RAD54L2: variants seen among roughly 807,000 people sequenced by gnomAD.
RAD54L2 encodes helicase ARIP4.
In RAD54L2, 27 loss-of-function variants were observed where a neutral mutation model predicts 138.4. The ratio of observed to expected loss-of-function variants is 0.20; its 90% CI spans 0.14 to 0.27. The LOEUF (loss-of-function observed/expected upper bound fraction) is 0.27, where lower values mean the gene tolerates loss of function less well. Among genes scored for constraint, RAD54L2 ranks in the 10% least tolerant of loss-of-function variants. The pLI is 1.00. For synonymous variants in RAD54L2, 644 were observed against 723.2 expected, an observed-to-expected ratio of 0.89 and a Z score of 1.76; for missense variants, 1,396 against 1,890.2, an observed-to-expected ratio of 0.74 and a Z score of 4.85.
chr3:51,573,448 TA>T (rs1699387834), intron 2 of RAD54L2, among the ~76,000 whole-genome samples: 1 of 150,608 alleles, frequency 6.6e-6, no homozygotes, highest in Non-Finnish European at 1.5e-5. Context: ...CAAATCTATC[TA>T]TTTTTTTTTT....
intron 2 of RAD54L2, among the ~76,000 whole-genome samples, chr3:51,567,720 AT>A (rs1292714168): frequency 6.6e-6 from 1 of 152,022 alleles, no homozygotes; most frequent in African/African-American, 2.4e-5. Context: ...TAATTTTAAT[AT>A]TTTATTTACT....
Position 51,662,978 on chromosome 3 carries a change from G to T in RAD54L2, c.3962G>T (p.Gly1321Val). 1.2e-6 allele frequency: 2 copies of T among 1,613,966 alleles called. No individual in the cohort carries two copies. Among genetic ancestry groups the T allele is most frequent in the Admixed American group, 3.3e-5 (2 of 60,030 alleles). The change falls in exon 23 of 23, where the codon GGC becomes GTC. Residue 1321 changes from glycine to valine, a missense_variant. Around this residue, in one of 7 missense-constraint regions of RAD54L2, gnomAD observed 634 missense variants for 711.2 expected, o/e 0.89. Coordinates refer to ENST00000684192, the MANE Select transcript of RAD54L2 (RefSeq NM_015106.4). The surrounding 1 kb of genome is among the most constrained non-coding windows in gnomAD (Gnocchi z 4.6). Reference protein sequence around the residue: ...SQAGENSLFMGSTPSYYQLSN... With the variant: ...SQAGENSLFMVSTPSYYQLSN... ...GCTGGGGAGAACTCCCTGTTTATGG[G>T]CAGTACCCCCTCCTACTACCAGCTG... is the stretch of plus-strand genomic sequence containing the variant.
intron 2 of RAD54L2, among the ~76,000 whole-genome samples, chr3:51,570,397 C>T (rs1220033358): frequency 6.6e-6 from 1 of 151,586 alleles, no homozygotes; most frequent in African/African-American, 2.4e-5. Flanking sequence ...CTGCCTCGGC[C>T]TCCCAAAGTG....
At chr3:51,547,267 T>C (rs1698721377) in intron 2 of RAD54L2, among the ~76,000 whole-genome samples, 1 of 152,118 alleles carries the variant, frequency 6.6e-6, no homozygotes, top group African/African-American at 2.4e-5. Context: ...AGTCTCCCAG[T>C]TAGGAGATCG....
intron 16 of RAD54L2, among the ~76,000 whole-genome samples, chr3:51,644,281 C>CA (rs1336648189): frequency 6.6e-6 from 1 of 152,094 alleles, no homozygotes; most frequent in East Asian, 1.9e-4. Flanking sequence ...CTTGTCTGTA[C>CA]AAAAAATCAA....
intron 2 of RAD54L2, among the ~76,000 whole-genome samples, chr3:51,551,790 G>C (rs369354831): frequency 1.0e-3 from 145 of 143,136 alleles, no homozygotes; most frequent in Non-Finnish European, 1.8e-3. Flanking sequence ...GTCTCGCTCT[G>C]TCGCCAGGCT....
At chr3:51,657,736 A>C (rs1438731182) in intron 21 of RAD54L2, 67 bp downstream of exon 21, 11 of 1,111,356 alleles carry the variant, frequency 9.9e-6, no homozygotes, top group Non-Finnish European at 1.5e-5. Context: ...AAGAAGAATA[A>C]ATACATATGA....
intron 3 of RAD54L2, among the ~76,000 whole-genome samples, chr3:51,627,342 G>A (rs548285249): frequency 1.1e-3 from 166 of 152,242 alleles, no homozygotes; most frequent in African/African-American, 3.9e-3. Flanking sequence ...AGGCATGCAC[G>A]CTATGCAGTC....
chr3:51,555,672 C>T (rs913694416), intron 2 of RAD54L2, among the ~76,000 whole-genome samples: 1 of 152,070 alleles, frequency 6.6e-6, no homozygotes, highest in African/African-American at 2.4e-5. Context: ...CAACCACCAT[C>T]GGCACATGTT....
At position 51,641,829 on chromosome 3, in the gene RAD54L2, A is replaced by G; in HGVS notation, c.2312A>G (p.Gln771Arg). 1 of 1,597,210 alleles carries G rather than the reference A, an allele frequency of 6.3e-7. No homozygotes were observed. ...CCCTGTCCACCTGGTACCGAGGGGC[A>G]AGGAGCACAGAAGTGGGTTCGAAAC... ...EVPCPPGTEG[Q>R]GAQKWVRNIS... The change falls in exon 15 of 23, where the codon CAA becomes CGA. Residue 771 changes from glutamine (Q) to arginine (R), a missense_variant. Around this residue, in one of 7 missense-constraint regions of RAD54L2, gnomAD observed 211 missense variants for 273.8 expected, o/e 0.77. Transcript: ENST00000684192.
In RAD54L2 at chr3:51,663,464, G is replaced by A. The variant is rs1021781409; in HGVS notation, c.*44G>A. The A allele has an allele frequency of 3.2e-6, 5 of 1,579,000 alleles. No homozygotes were observed. The highest frequency in any genetic ancestry group is 4.3e-6 in the Non-Finnish European group (5 of 1,159,438). On this transcript the variant is annotated 3_prime_UTR_variant, in exon 23 of 23. Coordinates refer to ENST00000684192, the MANE Select transcript of RAD54L2 (RefSeq NM_015106.4). ...CCTCACTTGGGGCCCCCAGCAGGTTGCCCACCAAGCTGAAAGGCAGTGATT... is the reference window on the plus strand; with the variant it reads ...CCTCACTTGGGGCCCCCAGCAGGTTACCCACCAAGCTGAAAGGCAGTGATT...
At chr3:51,540,487 G>A (rs1698523444) in intron 1 of RAD54L2, among the ~76,000 whole-genome samples, 1 of 152,200 alleles carries the variant, frequency 6.6e-6, no homozygotes, top group African/African-American at 2.4e-5. Flanking sequence ...CTGCAGCTGT[G>A]GGCCGGAGCT....
chr3:51,663,378 T>C lies in RAD54L2; in HGVS notation c.4362T>C (p.Asp1454=). ...AGGTTGGGTTCAGCTCCAATGATGA[T>C]GAGGATAAAGACGATGATGTGATAG... is the stretch of plus-strand genomic sequence containing the variant. The part of the protein sequence containing the change: ...VAEVGFSSND[D]EDKDDDVIEV... The change falls in exon 23 of 23, where the codon GAT becomes GAC. Residue 1454 remains aspartate (D), a synonymous_variant. Coordinates refer to ENST00000684192, the MANE Select transcript of RAD54L2 (RefSeq NM_015106.4). The C allele has an allele frequency of 6.2e-7, 1 of 1,613,536 alleles. No homozygotes were observed.
Position 51,631,420 on chromosome 3 carries a change from CT to C in RAD54L2, c.825+507del, listed in dbSNP as rs898540419. ...TTGACTCAGTTTACGATTAAGAACTCTTTTTTTTTTTTTTTTTTCTCCTGAG... is the reference window on the plus strand; with the variant it reads ...TTGACTCAGTTTACGATTAAGAACTCTTTTTTTTTTTTTTTTTCTCCTGAG... On this transcript the variant is annotated intron_variant, in intron 7 of 22. Transcript: ENST00000684192. Among the ~76,000 whole-genome samples, 302 of 128,284 alleles carry C rather than the reference CT, an allele frequency of 2.4e-3. 2 individuals are homozygous for C. The highest frequency in any genetic ancestry group is 4.4e-3 in the Middle Eastern group (1 of 226). 84.2% of individuals were successfully genotyped at this position (128,284 alleles called of 152,430 possible). A position where few individuals can be genotyped will look rare whatever the true frequency, so the allele number is the denominator to read the frequency against.
At chr3:51,627,457 A>G (rs1429081377) in intron 3 of RAD54L2, 96 bp from the exon 4 acceptor site, 3 of 1,168,360 alleles carry the variant, frequency 2.6e-6, no homozygotes, top group Non-Finnish European at 3.7e-6. Context: ...CCAGCTAATA[A>G]GTTGCTGAGT....
Position 51,663,633 on chromosome 3 carries a change from C to CCTATT in RAD54L2, c.*213_*214insCTATT, listed in dbSNP as rs1701846641. The CCTATT allele has an allele frequency of 1.9e-6, 1 of 533,158 alleles. No homozygotes were observed. The highest frequency in any genetic ancestry group is 2.9e-5 in the South Asian group (1 of 34,252). 33.0% of individuals were successfully genotyped at this position (533,158 alleles called of 1,614,324 possible). On this transcript the variant is annotated 3_prime_UTR_variant, in exon 23 of 23. Transcript: ENST00000684192. ...AAAAAAAAAAAGTCCAACACAGCAGCAATAGCGGGAAATCAGGGACCCAAA... is the reference window on the plus strand; with the variant it reads ...AAAAAAAAAAAGTCCAACACAGCAGCCTATTAATAGCGGGAAATCAGGGACCCAAA...
chr3:51,643,376 A>G (rs1345487634), intron 15 of RAD54L2, among the ~76,000 whole-genome samples: 1 of 152,068 alleles, frequency 6.6e-6, no homozygotes, highest in African/African-American at 2.4e-5. Flanking sequence ...CCCTCCTTTC[A>G]TTCATGTGTT....
intron 3 of RAD54L2, among the ~76,000 whole-genome samples, chr3:51,605,322 C>T (rs1700156173): frequency 6.6e-6 from 1 of 151,816 alleles, no homozygotes; most frequent in African/African-American, 2.4e-5. Flanking sequence ...CTCCTGACCT[C>T]GAGTAATCCA....
At position 51,613,083 on chromosome 3, in the gene RAD54L2, G is replaced by C. The variant is rs148653657; in HGVS notation, c.140-14470G>C. On this transcript the variant is annotated intron_variant, in intron 3 of 22. Coordinates refer to ENST00000684192, the MANE Select transcript of RAD54L2 (RefSeq NM_015106.4). ...GCCTCCTGAGTAACTGGGACTACAG[G>C]CGCCTGCCACCACACCCAGCTAATT... Among the ~76,000 whole-genome samples the C allele has an allele frequency of 4.9e-3, 749 of 152,144 alleles. 7 individuals carry two copies. Among genetic ancestry groups the C allele is most frequent in the Middle Eastern group, 0.034 (10 of 294 alleles).
Sources: allele counts gnomAD v4.1 joint callset (sites outside exome capture counted in the v4.1 genomes callset), GRCh38; gene constraint gnomAD v4.1.1; regional missense constraint gnomAD v4.1.1; non-coding constraint Gnocchi (gnomAD v3.1); transcripts MANE v1.5; gene names NCBI Gene and HGNC (gene_info 2026-07-23, HGNC 2026-07-21).